HS3ST5: variants seen among roughly 807,000 people sequenced by gnomAD.
HS3ST5 encodes the protein heparan sulfate-glucosamine 3-sulfotransferase 5.
A neutral mutation model predicts 25.4 loss-of-function variants in HS3ST5; 10 were observed. The observed-to-expected ratio is 0.39, with a 90% CI of 0.24 to 0.67. The LOEUF is 0.67. HS3ST5 is among the 30% of genes least tolerant of loss of function. The probability of loss-of-function intolerance (pLI) is 0.44; values close to 1 mark genes in which losing one functional copy is unlikely to be tolerated. For synonymous variants in HS3ST5, 170 were observed against 162.4 expected (o/e 1.05, Z -0.36); for missense variants, 324 against 420.7 (o/e 0.77, Z 2.01).
chr6:114,335,363 A>G (rs1424329059), intron 1 of HS3ST5, among the ~76,000 whole-genome samples: 1 of 152,152 alleles, frequency 6.6e-6, no homozygotes, highest in Non-Finnish European at 1.5e-5. Context: ...AAGTCAAGTT[A>G]TTCACATTTA....
chr6:114,093,353 T>TTGTGTGTGTGTGTGTG, intron 3 of HS3ST5, among the ~76,000 whole-genome samples: 1 of 134,330 alleles, frequency 7.4e-6, no homozygotes, highest in African/African-American at 2.7e-5. Flanking sequence ...GTTTGTTTGT[T>TTGTGTGTGTGTGTGTG]TGTGTGTGTG....
At chr6:114,341,401 T>C (rs1776864788) in intron 1 of HS3ST5, among the ~76,000 whole-genome samples, 1 of 152,048 alleles carries the variant, frequency 6.6e-6, no homozygotes, top group Non-Finnish European at 1.5e-5. Context: ...AGTTGTTTGT[T>C]TGCTGGGCGC....
intron 1 of HS3ST5, among the ~76,000 whole-genome samples, chr6:114,259,111 G>T (rs1264873346): frequency 6.6e-6 from 1 of 152,150 alleles, no homozygotes; most frequent in Non-Finnish European, 1.5e-5. Context: ...TGTACCTTCA[G>T]ATTAGCTTCA....
chr6:114,113,192 A>G (rs1332897041), intron 3 of HS3ST5, among the ~76,000 whole-genome samples: 1 of 152,150 alleles, frequency 6.6e-6, no homozygotes, highest in South Asian at 2.1e-4. Context: ...TTCATCTCTC[A>G]CCTGGATGGA....
At chr6:114,187,759 C>T (rs757590197) in intron 2 of HS3ST5, among the ~76,000 whole-genome samples, 3 of 152,156 alleles carry the variant, frequency 2.0e-5, no homozygotes, top group Non-Finnish European at 2.9e-5. Context: ...TCACATGCTA[C>T]AGATAAATCT....
At chr6:114,210,134 T>G (rs1054888217) in intron 2 of HS3ST5, among the ~76,000 whole-genome samples, 1 of 152,138 alleles carries the variant, frequency 6.6e-6, no homozygotes, top group African/African-American at 2.4e-5. Flanking sequence ...GCAAAAACAC[T>G]TAGACAAAAT....
At chr6:114,141,771 C>T (rs956680943) in intron 3 of HS3ST5, among the ~76,000 whole-genome samples, 1 of 152,038 alleles carries the variant, frequency 6.6e-6, no homozygotes, top group Admixed American at 6.6e-5. Flanking sequence ...CCCATTGGCT[C>T]CTGTCCTACA....
chr6:114,275,552 G>C (rs906429050), intron 1 of HS3ST5, among the ~76,000 whole-genome samples: 1 of 151,954 alleles, frequency 6.6e-6, no homozygotes, highest in Non-Finnish European at 1.5e-5. Context: ...ACTAAAACAA[G>C]GTTAGGGTTT....
At chr6:114,145,819 C>G (rs1778134492) in intron 3 of HS3ST5, among the ~76,000 whole-genome samples, 1 of 152,186 alleles carries the variant, frequency 6.6e-6, no homozygotes, top group Non-Finnish European at 1.5e-5. Context: ...CCACAGCCCT[C>G]AGCTTTGGGA....
chr6:114,318,208 G>A (rs1031929442), intron 1 of HS3ST5, among the ~76,000 whole-genome samples: 1 of 152,130 alleles, frequency 6.6e-6, no homozygotes, highest in Non-Finnish European at 1.5e-5. Context: ...AATATAGGGT[G>A]ACTAATTAGA....
intron 1 of HS3ST5, among the ~76,000 whole-genome samples, chr6:114,261,796 G>A (rs1309460564): frequency 6.6e-6 from 1 of 152,150 alleles, no homozygotes; most frequent in East Asian, 1.9e-4. Context: ...GGCCCCATGT[G>A]CTTCTTCCAT....
At chr6:114,212,434 C>T (rs1020063023) in intron 2 of HS3ST5, among the ~76,000 whole-genome samples, 1 of 152,106 alleles carries the variant, frequency 6.6e-6, no homozygotes, top group African/African-American at 2.4e-5. Flanking sequence ...TCCTTTTGAA[C>T]CCTAACACCA....
intron 2 of HS3ST5, among the ~76,000 whole-genome samples, chr6:114,180,177 G>C (rs1415178945): frequency 6.6e-6 from 1 of 151,978 alleles, no homozygotes; most frequent in Admixed American, 6.6e-5. Flanking sequence ...ACAATACTTT[G>C]CATCCTTCAA....
At chr6:114,263,587 C>T (rs1392177229) in intron 1 of HS3ST5, among the ~76,000 whole-genome samples, 1 of 152,114 alleles carries the variant, frequency 6.6e-6, no homozygotes, top group Admixed American at 6.6e-5. Flanking sequence ...TTTAAAGTTT[C>T]TATCATTGAT....
chr6:114,228,273 C>A (rs1168144557), intron 2 of HS3ST5, among the ~76,000 whole-genome samples: 2 of 152,116 alleles, frequency 1.3e-5, no homozygotes, highest in Non-Finnish European at 2.9e-5. Flanking sequence ...CTCCCAATTT[C>A]ATGTGACTCC....
chr6:114,097,492 ATGTT>A (rs1775495528), intron 3 of HS3ST5, among the ~76,000 whole-genome samples: 2 of 151,868 alleles, frequency 1.3e-5, no homozygotes, highest in South Asian at 4.1e-4. Flanking sequence ...ATTGTAATTT[ATGTT>A]TGTTTCCATG....
At chr6:114,095,121 G>T (rs535182267) in intron 3 of HS3ST5, among the ~76,000 whole-genome samples, 11 of 152,286 alleles carry the variant, frequency 7.2e-5, no homozygotes, top group Admixed American at 6.5e-4. Context: ...GGTAATAAAT[G>T]CATGTTGTTT....
chr6:114,263,320 T>C (rs1229968800), intron 1 of HS3ST5, among the ~76,000 whole-genome samples: 1 of 152,208 alleles, frequency 6.6e-6, no homozygotes, highest in East Asian at 1.9e-4. Flanking sequence ...ATCTTAATAT[T>C]CAAAAATGGA....
At chr6:114,177,783 T>A (rs1779791371) in intron 2 of HS3ST5, among the ~76,000 whole-genome samples, 1 of 152,162 alleles carries the variant, frequency 6.6e-6, no homozygotes, top group Non-Finnish European at 1.5e-5. Context: ...CTTATAAATG[T>A]ACATGAAAAG....
Sources: gnomAD v4.1 joint callset for allele counts (sites outside exome capture counted in the v4.1 genomes callset) on GRCh38, gnomAD v4.1.1 for gene constraint, MANE v1.5 for transcripts, NCBI Gene and HGNC (gene_info 2026-07-23, HGNC 2026-07-21) for gene names.